Variants in AHCYL2 observed in about 807,000 individuals in gnomAD.
The protein encoded by AHCYL2 is S-adenosylhomocysteine hydrolase-like protein 2.
AHCYL2 carries 28 observed loss-of-function variants against 81.4 expected under a neutral mutation model. That is an observed-to-expected ratio of 0.34 (90% CI 0.25 to 0.47). The LOEUF is 0.47. Ranked by LOEUF, AHCYL2 falls within the 20% of genes least tolerant of loss-of-function variation. The pLI, the probability that AHCYL2 is intolerant of heterozygous loss-of-function variation, is 1.00. For synonymous variants in AHCYL2, 272 were observed against 290.2 expected, an observed-to-expected ratio of 0.94 and a Z score of 0.64; for missense variants, 551 against 785.1, an observed-to-expected ratio of 0.70 and a Z score of 3.56.
intron 1 of AHCYL2, among the ~76,000 whole-genome samples, chr7:129,252,231 A>G (rs1795270787): frequency 6.6e-6 from 1 of 152,186 alleles, no homozygotes; most frequent in South Asian, 2.1e-4. Flanking sequence ...TCTTAGGTAG[A>G]GTCTCTGTCA....
chr7:129,399,926 A>G (rs914338241), intron 5 of AHCYL2, among the ~76,000 whole-genome samples: 1 of 152,010 alleles, frequency 6.6e-6, no homozygotes, highest in African/African-American at 2.4e-5. Context: ...AGGTTTCATC[A>G]TGTTGGCCAG....
chr7:129,266,233 G>A (rs1200575513), intron 1 of AHCYL2, among the ~76,000 whole-genome samples: 3 of 152,180 alleles, frequency 2.0e-5, no homozygotes, highest in South Asian at 2.1e-4. Context: ...AGCCTTTATC[G>A]GTTAGGCTTC....
rs192751129 is a variant in AHCYL2, at chr7:129,369,037, T to C, written c.364-10601T>C. On this transcript the variant is annotated intron_variant, in intron 1 of 16. Transcript: ENST00000325006. ...CCCTTCAGTCACAACATTTCCCTAT[T>C]TCCCCCCCAGCTATCCTTTATATAT... Among the ~76,000 whole-genome samples the C allele has an allele frequency of 8.8e-3, 1,344 of 152,294 alleles. 12 individuals are homozygous for C. The highest frequency in any genetic ancestry group is 0.012 in the Non-Finnish European group (786 of 68,018).
chr7:129,392,339 A>G (rs1297082912), intron 4 of AHCYL2, among the ~76,000 whole-genome samples: 2 of 152,214 alleles, frequency 1.3e-5, no homozygotes, highest in African/African-American at 4.8e-5. Context: ...GAGGCTAGGA[A>G]GTCCAAGATC....
intron 1 of AHCYL2, among the ~76,000 whole-genome samples, chr7:129,339,827 G>GC (rs1793098836): frequency 6.6e-6 from 1 of 151,752 alleles, no homozygotes; most frequent in Non-Finnish European, 1.5e-5. Flanking sequence ...ACCTCGCCTG[G>GC]CCACTAATTG....
chr7:129,269,131 GT>G lies in AHCYL2; in HGVS notation c.363+43707del, dbSNP rs55981012. 5.3e-3 allele frequency among the ~76,000 whole-genome samples: 738 copies of G among 139,166 alleles called. 5 individuals are homozygous for G. The highest frequency in any genetic ancestry group is 8.0e-3 in the Non-Finnish European group (516 of 64,460). The allele number at this position is 139,166 out of a possible 152,430, so 91.3% of individuals were successfully genotyped here. On this transcript the variant is annotated intron_variant, in intron 1 of 16. Coordinates refer to ENST00000325006, the MANE Select transcript of AHCYL2 (RefSeq NM_015328.4). ...TTTCTTTTTTTCCTAAATGATTCCT[GT>G]TTTTTTTTTTTTTTCACTTACTCTG...
At chr7:129,405,768 G>A in intron 8 of AHCYL2, 68 bp from the exon 9 acceptor site, 3 of 1,410,994 alleles carry the variant, frequency 2.1e-6, no homozygotes, top group South Asian at 1.4e-5. Flanking sequence ...AAAACAAAGA[G>A]ATTCAATCTA....
At chr7:129,369,004 G>A (rs961376917) in intron 1 of AHCYL2, among the ~76,000 whole-genome samples, 10 of 152,102 alleles carry the variant, frequency 6.6e-5, no homozygotes, top group African/African-American at 2.2e-4. Context: ...CTCCCTGCCC[G>A]TATTTTTCCC....
At chr7:129,230,243 C>T (rs537518254) in intron 1 of AHCYL2, among the ~76,000 whole-genome samples, 4 of 151,246 alleles carry the variant, frequency 2.6e-5, no homozygotes, top group African/African-American at 9.7e-5. Flanking sequence ...CCACCACACC[C>T]GGCTGATTTT....
chr7:129,362,415 A>G (rs1006027991), intron 1 of AHCYL2, among the ~76,000 whole-genome samples: 2 of 152,110 alleles, frequency 1.3e-5, no homozygotes, highest in African/African-American at 4.8e-5. Context: ...GGGCTCAACA[A>G]TGCCGGTGTC....
chr7:129,375,573 G>C (rs1794641903), intron 1 of AHCYL2: 1 of 1,233,760 alleles, frequency 8.1e-7, no homozygotes, highest in African/African-American at 1.5e-5. Flanking sequence ...AGGTTTAGAG[G>C]TCAGAGGATC....
chr7:129,273,473 C>T (rs1376138133), intron 1 of AHCYL2, among the ~76,000 whole-genome samples: 1 of 151,866 alleles, frequency 6.6e-6, no homozygotes, highest in Non-Finnish European at 1.5e-5. Flanking sequence ...GGATTACAGG[C>T]ATGCATCACC....
At chr7:129,348,121 T>C (rs939130132) in intron 1 of AHCYL2, among the ~76,000 whole-genome samples, 23 of 152,224 alleles carry the variant, frequency 1.5e-4, no homozygotes, top group African/African-American at 5.1e-4. Flanking sequence ...TAGAATGCAT[T>C]ACATTCACAT....
At chr7:129,294,111 G>A (rs1356397213) in intron 1 of AHCYL2, among the ~76,000 whole-genome samples, 1 of 152,320 alleles carries the variant, frequency 6.6e-6, no homozygotes, top group Admixed American at 6.5e-5. Context: ...AGACTGAAAG[G>A]TGTATTCTAG....
chr7:129,282,264 T>G (rs900474383), intron 1 of AHCYL2, among the ~76,000 whole-genome samples: 10 of 152,196 alleles, frequency 6.6e-5, no homozygotes, highest in African/African-American at 1.9e-4. Context: ...TCTATGAGTT[T>G]ATTGTCAATA....
intron 1 of AHCYL2, among the ~76,000 whole-genome samples, chr7:129,259,170 G>A (rs1374387977): frequency 6.6e-6 from 1 of 152,058 alleles, no homozygotes; most frequent in African/African-American, 2.4e-5. Flanking sequence ...TCAGCACCAA[G>A]TCTCTGATAA....
At chr7:129,247,946 C>T (rs1291296157) in intron 1 of AHCYL2, among the ~76,000 whole-genome samples, 1 of 152,142 alleles carries the variant, frequency 6.6e-6, no homozygotes, top group Non-Finnish European at 1.5e-5. Flanking sequence ...CTTTGTGTAA[C>T]TCAAGGTCAC....
chr7:129,230,079 C>CTTTTTTTTTTTTTTTT (rs35056717), intron 1 of AHCYL2, among the ~76,000 whole-genome samples: 3 of 109,430 alleles, frequency 2.7e-5, no homozygotes, highest in Non-Finnish European at 5.6e-5. Flanking sequence ...TTATTTAATT[C>CTTTTTTTTTTTTTTTT]TTTTTTTTTT....
intron 9 of AHCYL2, 26 bp downstream of exon 9, chr7:129,405,925 G>C (rs376451121): frequency 1.5e-4 from 235 of 1,604,680 alleles, no homozygotes; most frequent in Non-Finnish European, 1.9e-4. Context: ...TTGTTTATTA[G>C]GTGTTTTAAA....
Sources: gnomAD v4.1 joint callset for allele counts (sites outside exome capture counted in the v4.1 genomes callset) on GRCh38, gnomAD v4.1.1 for gene constraint, MANE v1.5 for transcripts, NCBI Gene and HGNC (gene_info 2026-07-23, HGNC 2026-07-21) for gene names.